Variants in CCDC60 observed in about 807,000 individuals in gnomAD.
CCDC60 encodes the protein coiled-coil domain containing 60.
Under a neutral mutation model 63.5 loss-of-function variants are expected in CCDC60, and 54 were observed. The observed-to-expected ratio is 0.85, with a 90% CI of 0.68 to 1.07. The LOEUF (loss-of-function observed/expected upper bound fraction) is 1.07. CCDC60 is among the 50% of genes least tolerant of loss of function. The probability of loss-of-function intolerance (pLI) is 0.00; values close to 1 mark genes in which losing one functional copy is unlikely to be tolerated. For synonymous variants in CCDC60, 206 were observed against 238.8 expected, an observed-to-expected ratio of 0.86 and a Z score of 1.27; for missense variants, 651 against 684.3, an observed-to-expected ratio of 0.95 and a Z score of 0.54.
In CCDC60 at chr12:119,360,440, T is replaced by G. The variant is rs900496736; in HGVS notation, c.90+25174T>G. On this transcript the variant is annotated intron_variant, in intron 1 of 13. Coordinates refer to ENST00000327554, the MANE Select transcript of CCDC60 (RefSeq NM_178499.5). ...CAGGGTGGCTGCCGGGCGGAGACGC[T>G]CCTCACTTCCCAGACGGGGTGGCTG... 2.7e-3 allele frequency among the ~76,000 whole-genome samples: 402 copies of G among 148,754 alleles called. 2 individuals carry two copies. Among genetic ancestry groups the G allele is most frequent in the African/African-American group, 9.7e-3 (389 of 39,988 alleles).
At chr12:119,441,755 T>C (rs1017302690) in intron 2 of CCDC60, among the ~76,000 whole-genome samples, 3 of 152,238 alleles carry the variant, frequency 2.0e-5, no homozygotes, top group African/African-American at 7.2e-5. Context: ...GCGTAGTATT[T>C]ATTGCGTGAG....
At chr12:119,522,849 G>A in intron 9 of CCDC60, 90 bp from the exon 10 acceptor site, 1 of 1,121,954 alleles carries the variant, frequency 8.9e-7, no homozygotes, top group Non-Finnish European at 1.4e-6. Flanking sequence ...CCTGAATCCT[G>A]GAAGCTAGCA....
In CCDC60 at chr12:119,535,199, C is replaced by T. The variant is rs761225901; in HGVS notation, c.1551+4136C>T. Among the ~76,000 whole-genome samples the T allele has an allele frequency of 5.9e-5, 9 of 152,234 alleles. 1 individual carries two copies. Among genetic ancestry groups the T allele is most frequent in the Admixed American group, 6.5e-5 (1 of 15,282 alleles). On this transcript the variant is annotated intron_variant, in intron 13 of 13. Coordinates refer to ENST00000327554, the MANE Select transcript of CCDC60 (RefSeq NM_178499.5). The stretch of plus-strand genomic sequence containing the variant: ...TTTTCTAGATCTTCTAGTTTATTTG[C>T]GCAGAGGTGTTTATGGTATTCTCTG...
intron 1 of CCDC60, among the ~76,000 whole-genome samples, chr12:119,397,527 G>C (rs930793321): frequency 6.6e-6 from 1 of 151,554 alleles, no homozygotes; most frequent in South Asian, 2.1e-4. Context: ...TAGATACAGA[G>C]AGCTGATTGG....
In CCDC60 at chr12:119,405,213, A is replaced by C. The variant is rs997457902; in HGVS notation, c.91-23470A>C. Among the ~76,000 whole-genome samples, 9 of 152,350 alleles carry C rather than the reference A, an allele frequency of 5.9e-5. No individual in the cohort carries two copies. The East Asian group carries it at 1.7e-3, about 29-fold the overall frequency. On this transcript the variant is annotated intron_variant, in intron 1 of 13. Transcript: ENST00000327554. The stretch of plus-strand genomic sequence containing the variant: ...AGGAAGGTGTTTTGCTTTTCAAACA[A>C]GCCTGAACCCCAATTGGTTTCTCAG...
intron 2 of CCDC60, among the ~76,000 whole-genome samples, chr12:119,436,697 C>T (rs1950333451): frequency 6.6e-6 from 1 of 152,050 alleles, no homozygotes; most frequent in African/African-American, 2.4e-5. Flanking sequence ...CACCACCTTG[C>T]CCAGCTAATT....
At chr12:119,401,660 G>A (rs1182219745) in intron 1 of CCDC60, among the ~76,000 whole-genome samples, 1 of 152,124 alleles carries the variant, frequency 6.6e-6, no homozygotes, top group African/African-American at 2.4e-5. Flanking sequence ...TCCACTTTTG[G>A]AAGGTTGAAT....
intron 1 of CCDC60, among the ~76,000 whole-genome samples, chr12:119,343,542 G>A (rs531544584): frequency 7.9e-5 from 12 of 152,054 alleles, no homozygotes; most frequent in East Asian, 5.8e-4. Flanking sequence ...TTTTGAGGGC[G>A]CTAAAATGCA....
intron 4 of CCDC60, among the ~76,000 whole-genome samples, chr12:119,488,523 A>G (rs1268412290): frequency 6.6e-6 from 1 of 152,182 alleles, no homozygotes; most frequent in Non-Finnish European, 1.5e-5. Flanking sequence ...ACCTGGCACA[A>G]CTTCCTAAAG....
At chr12:119,351,559 AC>A (rs763350413) in intron 1 of CCDC60, among the ~76,000 whole-genome samples, 4 of 152,214 alleles carry the variant, frequency 2.6e-5, no homozygotes, top group Non-Finnish European at 5.9e-5. Context: ...CAGGAGCAGG[AC>A]CCAGAGAGAG....
chr12:119,422,535 G>A (rs1199087567), intron 1 of CCDC60, among the ~76,000 whole-genome samples: 1 of 152,156 alleles, frequency 6.6e-6, no homozygotes, highest in Non-Finnish European at 1.5e-5. Context: ...GGCAGGAGCA[G>A]GACCAAGAGG....
chr12:119,364,762 T>A (rs1357263023), intron 1 of CCDC60, among the ~76,000 whole-genome samples: 1 of 152,114 alleles, frequency 6.6e-6, no homozygotes, highest in African/African-American at 2.4e-5. Context: ...CACGGGGCGA[T>A]CTCCCTTTGG....
intron 8 of CCDC60, among the ~76,000 whole-genome samples, chr12:119,517,859 T>C (rs1211267337): frequency 6.6e-6 from 1 of 152,240 alleles, no homozygotes; most frequent in Non-Finnish European, 1.5e-5. Flanking sequence ...CACAGACTTC[T>C]GACCTCTAAA....
At position 119,439,175 on chromosome 12, in the gene CCDC60, GAGTT is replaced by G. The variant is rs1257281341; in HGVS notation, c.170+10416_170+10419del. Among the ~76,000 whole-genome samples, 17 of 99,804 alleles carry G rather than the reference GAGTT, an allele frequency of 1.7e-4. No homozygotes were observed. The East Asian group carries it at 6.0e-3, about 35-fold the overall frequency. 65.5% of individuals were successfully genotyped at this position (99,804 alleles called of 152,430 possible). On this transcript the variant is annotated intron_variant, in intron 2 of 13. Coordinates refer to ENST00000327554, the MANE Select transcript of CCDC60 (RefSeq NM_178499.5). ...CAAAAAAAAAAAAAAAAAAAAAAAA[GAGTT>G]AGCTCAGTCCCTGCATTGCCCTAGG...
chr12:119,531,730 G>A (rs1952848197), intron 13 of CCDC60, among the ~76,000 whole-genome samples: 1 of 152,188 alleles, frequency 6.6e-6, no homozygotes, highest in Admixed American at 6.5e-5. Flanking sequence ...CAGGGGATTG[G>A]AGAGGTCAGT....
At chr12:119,535,880 ATGTCTAT>A (rs1406955041) in intron 13 of CCDC60, among the ~76,000 whole-genome samples, 22 of 152,330 alleles carry the variant, frequency 1.4e-4, no homozygotes, top group Middle Eastern at 3.4e-3. Flanking sequence ...GCTAAGAAGA[ATGTCTAT>A]TCTGTTGATT....
chr12:119,525,332 C>T (rs1952653573), intron 11 of CCDC60, among the ~76,000 whole-genome samples: 1 of 152,138 alleles, frequency 6.6e-6, no homozygotes, highest in South Asian at 2.1e-4. Context: ...AGAAGATCAT[C>T]CCCAAGACAC....
At chr12:119,355,734 T>A (rs918767372) in intron 1 of CCDC60, among the ~76,000 whole-genome samples, 4 of 152,242 alleles carry the variant, frequency 2.6e-5, no homozygotes, top group African/African-American at 9.6e-5. Context: ...CAGAGGCAGT[T>A]CTGCAGTCAT....
chr12:119,490,312 A>C (rs1488354727), intron 5 of CCDC60, among the ~76,000 whole-genome samples: 1 of 152,218 alleles, frequency 6.6e-6, no homozygotes, highest in Non-Finnish European at 1.5e-5. Context: ...TTTTGATACA[A>C]GTGGTTGACA....
Sources: allele counts gnomAD v4.1 joint callset (sites outside exome capture counted in the v4.1 genomes callset), GRCh38; gene constraint gnomAD v4.1.1; transcripts MANE v1.5; gene names NCBI Gene and HGNC (gene_info 2026-07-23, HGNC 2026-07-21).